Variants in ST18 observed in about 807,000 individuals in gnomAD.
ST18 encodes the protein ST18 C2H2C-type zinc finger transcription factor.
ST18 carries 50 observed loss-of-function variants against 110.0 expected under a neutral mutation model. The ratio of observed to expected loss-of-function variants is 0.45; its 90% CI spans 0.36 to 0.58. The LOEUF is 0.58. Ranked by LOEUF, ST18 falls within the 20% of genes least tolerant of loss-of-function variation. The pLI is 0.00. For synonymous variants in ST18, 461 were observed against 452.4 expected (o/e 1.02, Z -0.24); for missense variants, 1,306 against 1,280.1 (o/e 1.02, Z -0.31).
At chr8:52,126,017 G>A (rs201911938) in intron 23 of ST18, 35 bp downstream of exon 23, 1 of 1,579,694 alleles carries the variant, frequency 6.3e-7, no homozygotes, top group Non-Finnish European at 8.7e-7. Flanking sequence ...TCTACACCCT[G>A]CAGGAGGTGG....
At chr8:52,269,790 G>A (rs1201865346) in intron 2 of ST18, among the ~76,000 whole-genome samples, 1 of 152,212 alleles carries the variant, frequency 6.6e-6, no homozygotes, top group African/African-American at 2.4e-5. Context: ...GAAGTTGATA[G>A]AAGTTGGCAT....
Position 52,113,459 on chromosome 8 carries a change from ACT to A in ST18, c.3004-123_3004-122del, listed in dbSNP as rs549364850. ...GGGAGGGAAGGCAAGGGTGCATATG[ACT>A]GCTGGGGTTGCAGGGGATGGAGAGA... On this transcript the variant is annotated intron_variant, in intron 25 of 25. Coordinates refer to ENST00000689386, the MANE Select transcript of ST18 (RefSeq NM_001352837.2). 256 of 1,113,366 alleles carry A rather than the reference ACT, an allele frequency of 2.3e-4. 1 individual carries two copies. The highest frequency in any genetic ancestry group is 3.2e-4 in the Non-Finnish European group (245 of 766,576). The allele number at this position is 1,113,366 out of a possible 1,614,324, so 69.0% of individuals were successfully genotyped here.
chr8:52,367,516 T>C (rs1828583450), intron 2 of ST18, among the ~76,000 whole-genome samples: 1 of 152,152 alleles, frequency 6.6e-6, no homozygotes, highest in Non-Finnish European at 1.5e-5. Flanking sequence ...TGTATAAATA[T>C]ATAAAGGTCA....
intron 10 of ST18, 46 bp downstream of exon 10, chr8:52,171,746 C>T (rs538798573): frequency 2.5e-6 from 4 of 1,584,818 alleles, no homozygotes; most frequent in Non-Finnish European, 3.4e-6. Flanking sequence ...TTTTTCAAAC[C>T]CTAATGCACT....
At chr8:52,363,640 G>C (rs994764830) in intron 2 of ST18, among the ~76,000 whole-genome samples, 42 of 152,144 alleles carry the variant, frequency 2.8e-4, no homozygotes, top group African/African-American at 9.9e-4. Flanking sequence ...TATTAAGCAT[G>C]TTACATGTGC....
At chr8:52,163,928 C>T in intron 13 of ST18, 58 bp downstream of exon 13, 3 of 1,355,392 alleles carry the variant, frequency 2.2e-6, no homozygotes, top group Non-Finnish European at 2.1e-6. Context: ...GACCAGAGGC[C>T]CCGCTGTGCA....
At chr8:52,368,551 T>C (rs1554851852) in intron 2 of ST18, among the ~76,000 whole-genome samples, 1 of 152,198 alleles carries the variant, frequency 6.6e-6, no homozygotes, top group Non-Finnish European at 1.5e-5. Flanking sequence ...TGTTTAAACA[T>C]AATGGATGCT....
chr8:52,213,700 G>C (rs1271005022), intron 7 of ST18, among the ~76,000 whole-genome samples: 1 of 152,162 alleles, frequency 6.6e-6, no homozygotes, highest in Non-Finnish European at 1.5e-5. Context: ...TAACCAGCAA[G>C]TTAAACCTTC....
intron 10 of ST18, among the ~76,000 whole-genome samples, chr8:52,170,023 G>A (rs1467149473): frequency 1.3e-5 from 2 of 152,232 alleles, no homozygotes; most frequent in Non-Finnish European, 2.9e-5. Context: ...ACTTTAAGAT[G>A]TGGCTCAAAT....
Position 52,132,571 on chromosome 8 carries a change from C to T in ST18, c.2445-392G>A, listed in dbSNP as rs1023661848. Among the ~76,000 whole-genome samples, 6 of 152,162 alleles carry T rather than the reference C, an allele frequency of 3.9e-5. No homozygotes were observed. In the East Asian group the frequency reaches 5.8e-4, roughly 15 times the overall value. On this transcript the variant is annotated intron_variant, in intron 21 of 25. Transcript: ENST00000689386. Reference sequence around the variant, plus strand: ...ATAACATGTTAACTGCCTTAACAGACGCTGCATAGCACATTACTCATAGAA... The same window carrying T: ...ATAACATGTTAACTGCCTTAACAGATGCTGCATAGCACATTACTCATAGAA...
intron 8 of ST18, among the ~76,000 whole-genome samples, chr8:52,183,221 G>T (rs2070592154): frequency 1.3e-5 from 2 of 152,102 alleles, no homozygotes; most frequent in South Asian, 4.2e-4. Flanking sequence ...CCTGCCACAG[G>T]ACCTTGCCCA....
At chr8:52,201,111 G>A (rs917806753) in intron 8 of ST18, 5 of 152,530 alleles carry the variant, frequency 3.3e-5, no homozygotes, top group African/African-American at 1.2e-4. Context: ...CCAGCAAGGA[G>A]ACCTGAGAAG....
chr8:52,275,072 G>T (rs62499810), intron 2 of ST18, among the ~76,000 whole-genome samples: 31,312 of 152,102 alleles, frequency 0.21, 3,858 homozygotes, highest in Middle Eastern at 0.38. Flanking sequence ...GCATTGGCAG[G>T]TTTGGTTTCT....
intron 2 of ST18, among the ~76,000 whole-genome samples, chr8:52,262,309 G>A (rs115398042): frequency 0.011 from 1,726 of 152,314 alleles, 33 homozygotes; most frequent in African/African-American, 0.04. Context: ...AACTTTTGGG[G>A]TGCGCATTCA....
intron 8 of ST18, among the ~76,000 whole-genome samples, chr8:52,197,905 A>G (rs955547825): frequency 1.3e-5 from 2 of 151,706 alleles, no homozygotes; most frequent in African/African-American, 4.8e-5. Context: ...ACACACACAC[A>G]CACACACAAA....
Position 52,142,985 on chromosome 8 carries a change from T to C in ST18, c.2113A>G (p.Ile705Val). The C allele has an allele frequency of 6.2e-7, 1 of 1,614,174 alleles. No individual in the cohort carries two copies. Among genetic ancestry groups the C allele is most frequent in the Admixed American group, 1.7e-5 (1 of 60,024 alleles). Residue 705 changes from isoleucine to valine, a missense_variant, in exon 17 of 26, where the codon ATA becomes GTA. Coordinates refer to ENST00000689386, the MANE Select transcript of ST18 (RefSeq NM_001352837.2). ...EEKKFPGEAS[I>V]PSPKPKLHAR... The stretch of plus-strand genomic sequence containing the variant: ...TGAAGCTTGGGTTTAGGGCTTGGTA[T>C]AGAGGCCTCTCCAGGAAACTTTTTT...
Position 52,130,106 on chromosome 8 carries a change from G to GA in ST18, c.2666+1851dup, listed in dbSNP as rs544499125. 2.6e-4 allele frequency among the ~76,000 whole-genome samples: 19 copies of GA among 71,926 alleles called. No individual in the cohort carries two copies. In the East Asian group the frequency reaches 3.6e-3, roughly 14 times the overall value. The allele number at this position is 71,926 out of a possible 152,430, so 47.2% of individuals were successfully genotyped here. A position where few individuals can be genotyped will look rare whatever the true frequency, so the allele number is the denominator to read the frequency against. On this transcript the variant is annotated intron_variant, in intron 22 of 25. Transcript: ENST00000689386. ...AGAGAAAGAAAGAAAAAGAAAGAAAGAAAGAAAGAAAGAAAAGAAAGAAAG... is the reference window on the plus strand; with the variant it reads ...AGAGAAAGAAAGAAAAAGAAAGAAAGAAAAGAAAGAAAGAAAAGAAAGAAAG...
In ST18 at chr8:52,161,294, C is replaced by T. The variant is rs191548341; in HGVS notation, c.1594+81G>A. 59 of 1,437,600 alleles carry T rather than the reference C, an allele frequency of 4.1e-5. 1 individual carries two copies. The East Asian group carries it at 6.7e-4, about 16-fold the overall frequency. The allele number at this position is 1,437,600 out of a possible 1,614,324, so 89.1% of individuals were successfully genotyped here. On this transcript the variant is annotated intron_variant, in intron 14 of 25. Coordinates refer to ENST00000689386, the MANE Select transcript of ST18 (RefSeq NM_001352837.2). Reference sequence around the variant, plus strand: ...ATGTAGTATATCATATATTTAAGTACAGCCCCCTGGCCCCCAGTACACACA... The same window carrying T: ...ATGTAGTATATCATATATTTAAGTATAGCCCCCTGGCCCCCAGTACACACA...
At chr8:52,129,861 A>G (rs2048525829) in intron 22 of ST18, among the ~76,000 whole-genome samples, 1 of 152,046 alleles carries the variant, frequency 6.6e-6, no homozygotes, top group African/African-American at 2.4e-5. Flanking sequence ...CCTGACCAAC[A>G]TGGCAAAACC....
Sources: gnomAD v4.1 joint callset for allele counts (sites outside exome capture counted in the v4.1 genomes callset) on GRCh38, gnomAD v4.1.1 for gene constraint, MANE v1.5 for transcripts, NCBI Gene and HGNC (gene_info 2026-07-23, HGNC 2026-07-21) for gene names.